USP24: variants seen among roughly 807,000 people sequenced by gnomAD.
The protein encoded by USP24 is ubiquitin specific peptidase 24, also known as ubiquitin carboxyl-terminal hydrolase 24.
Under a neutral mutation model 361.6 loss-of-function variants are expected in USP24, and 97 were observed. That is an observed-to-expected ratio of 0.27 (90% confidence interval 0.23 to 0.32). USP24 has a LOEUF of 0.32. Ranked by LOEUF, USP24 falls within the 10% of genes least tolerant of loss-of-function variation. The pLI is 1.00. For missense variants in USP24, 2,353 were observed against 3,165.6 expected (o/e 0.74, Z 6.16); for synonymous variants, 1,098 against 1,124.6 (o/e 0.98, Z 0.47).
chr1:55,212,599 G>A (rs1343444320), intron 1 of USP24, among the ~76,000 whole-genome samples: 2 of 152,150 alleles, frequency 1.3e-5, no homozygotes, highest in Admixed American at 6.5e-5. Flanking sequence ...TGTACACCAA[G>A]GATGACCAAG....
At chr1:55,144,009 T>C (rs1166139248) in intron 21 of USP24, 118 bp downstream of exon 21, 2 of 756,916 alleles carry the variant, frequency 2.6e-6, no homozygotes, top group Non-Finnish European at 4.1e-6. Flanking sequence ...GTCAAGGAGA[T>C]GCTGTTCTTT....
At chr1:55,143,563 T>C (rs181026110) in intron 21 of USP24, among the ~76,000 whole-genome samples, 37 of 152,216 alleles carry the variant, frequency 2.4e-4, no homozygotes, top group African/African-American at 8.4e-4. Context: ...TGTAAAATCT[T>C]GTAAAAATTC....
intron 37 of USP24, among the ~76,000 whole-genome samples, chr1:55,121,074 T>C (rs1646266954): frequency 6.6e-6 from 1 of 152,236 alleles, no homozygotes; most frequent in South Asian, 2.1e-4. Flanking sequence ...AGAACTATAA[T>C]ATCTAATGAA....
intron 39 of USP24, 129 bp from the exon 40 acceptor site, chr1:55,107,559 T>A: frequency 8.8e-7 from 1 of 1,130,286 alleles, no homozygotes; most frequent in Non-Finnish European, 1.2e-6. Context: ...AAACTATCAT[T>A]AAGGCCAGGC....
intron 38 of USP24, among the ~76,000 whole-genome samples, chr1:55,115,477 C>G (rs1487674944): frequency 3.9e-5 from 4 of 101,458 alleles, no homozygotes. Context: ...GCCTGGGCGA[C>G]AGAGCGAGAC....
In USP24 at chr1:55,107,289, C is replaced by T. The variant is rs963182678; in HGVS notation, c.4712G>A (p.Arg1571His). 3.1e-6 allele frequency: 5 copies of T among 1,613,726 alleles called. No homozygotes were observed. The highest frequency in any genetic ancestry group is 1.7e-5 in the Admixed American group (1 of 59,982). Residue 1571 changes from arginine (R) to histidine (H), a missense_variant, in exon 40 of 68, where the codon CGC becomes CAC. Around this residue, in one of 8 missense-constraint regions of USP24, gnomAD observed 949 missense variants for 1,280.5 expected, o/e 0.74. Coordinates refer to ENST00000294383, the MANE Select transcript of USP24 (RefSeq NM_015306.3). ...GAGTGAAAGAAGGGTCTTGATGAGG[C>T]GTAAGTGCCCTGCCAGTAAGATGTT... ...ADNILLAGHL[R>H]LIKTLLSLCG... is the part of the protein sequence containing the mutation.
chr1:55,071,822 G>C lies in USP24; in HGVS notation c.7792C>G (p.Leu2598Val). The change falls in exon 67 of 68, where the codon CTA becomes GTA. Residue 2598 changes from leucine to valine, a missense_variant. Leu to Val is a conservative substitution (Grantham distance 32). Coordinates refer to ENST00000294383, the MANE Select transcript of USP24 (RefSeq NM_015306.3). ...CATGCTGACCGTTATACCTGCTGTA[G>C]ATGCCTGTCTCCGTTCTCATTGGCA... ...SPANENGDRH[L>V]QQGSESPMMI... 1 of 1,612,322 alleles carries C rather than the reference G, an allele frequency of 6.2e-7. No homozygotes were observed. The highest frequency in any genetic ancestry group is 8.5e-7 in the Non-Finnish European group (1 of 1,179,248).
At chr1:55,158,404 TCA>T (rs1228867599) in intron 10 of USP24, among the ~76,000 whole-genome samples, 3 of 152,230 alleles carry the variant, frequency 2.0e-5, no homozygotes, top group African/African-American at 7.2e-5. Flanking sequence ...GCTCCATGTG[TCA>T]CACACCAAAA....
At position 55,214,921 on chromosome 1, in the gene USP24, C is replaced by G. The variant is rs1304832217; in HGVS notation, c.193G>C (p.Gly65Arg). ...PMDSGGGPSP[G>R]PGGGPRGDGG... The stretch of plus-strand genomic sequence containing the variant: ...TCGCCCCGCGGGCCCCCGCCGGGCC[C>G]GGGGCTGGGGCCACCGCCGCTGTCC... The change falls in exon 1 of 68, where the codon GGG (glycine) becomes CGG (arginine). Residue 65 changes from glycine (G) to arginine (R), a missense_variant. By Grantham distance (125) the Gly-to-Arg change is moderately radical (BLOSUM62 -2). Transcript: ENST00000294383. 2.3e-6 allele frequency: 3 copies of G among 1,317,216 alleles called. No homozygotes were observed. Among genetic ancestry groups the G allele is most frequent in the Middle Eastern group, 2.7e-4 (1 of 3,746 alleles). The allele number at this position is 1,317,216 out of a possible 1,614,324, so 81.6% of individuals were successfully genotyped here.
At chr1:55,121,318 C>G in intron 37 of USP24, 118 bp downstream of exon 37, 1 of 835,508 alleles carries the variant, frequency 1.2e-6, no homozygotes, top group Non-Finnish European at 1.8e-6. Context: ...CCCCTTCGTA[C>G]ACTCCCTGAG....
intron 16 of USP24, among the ~76,000 whole-genome samples, chr1:55,151,574 C>T (rs1266142135): frequency 1.3e-5 from 2 of 151,876 alleles, no homozygotes; most frequent in Non-Finnish European, 2.9e-5. Flanking sequence ...GTACAACTAA[C>T]TGAGGAAAAA....
chr1:55,100,572 A>T (rs933069990), intron 44 of USP24, among the ~76,000 whole-genome samples: 1 of 152,218 alleles, frequency 6.6e-6, no homozygotes, highest in Non-Finnish European at 1.5e-5. Flanking sequence ...GATATGAACA[A>T]ATATTTCAAA....
intron 63 of USP24, 79 bp downstream of exon 63, chr1:55,075,378 A>G: frequency 7.5e-7 from 1 of 1,337,468 alleles, no homozygotes; most frequent in Non-Finnish European, 1.0e-6. Context: ...CGAGAGTAGC[A>G]GGAGGCAGAA....
chr1:55,124,541 C>T lies in USP24; in HGVS notation c.4048G>A (p.Gly1350Arg). 3 of 1,613,890 alleles carry T rather than the reference C, an allele frequency of 1.9e-6. No individual in the cohort carries two copies. In the South Asian group the frequency reaches 3.3e-5, roughly 18 times the overall value. ...CTTTCTTTAATTGGCTGGCTACTCC[C>T]AACAAGATCAAGCCGTCCTGCAGCC... ...AAAAGRLDLV[G>R]SSQPIKESNS... Residue 1350 changes from glycine (G) to arginine (R), a missense_variant, in exon 35 of 68, where the codon GGG (glycine) becomes AGG (arginine). Coordinates refer to ENST00000294383, the MANE Select transcript of USP24 (RefSeq NM_015306.3).
chr1:55,087,402 G>A (rs1448896698), intron 55 of USP24, among the ~76,000 whole-genome samples: 1 of 152,218 alleles, frequency 6.6e-6, no homozygotes, highest in East Asian at 1.9e-4. Flanking sequence ...TTAAAAGCAA[G>A]TCTGCTTGGA....
chr1:55,110,118 T>C (rs1256292588), intron 39 of USP24, 67 bp downstream of exon 39: 1 of 1,275,550 alleles, frequency 7.8e-7, no homozygotes, highest in South Asian at 1.5e-5. Context: ...TATTTAGAAA[T>C]GTCCGTGTGA....
chr1:55,120,893 C>A (rs1286308358), intron 37 of USP24, 137 bp from the exon 38 acceptor site: 4 of 1,157,608 alleles, frequency 3.5e-6, no homozygotes, highest in Admixed American at 3.4e-5. Flanking sequence ...ATGAGTGTTT[C>A]AGATTTTAAT....
Position 55,121,477 on chromosome 1 carries a change from C to G in USP24, c.4306G>C (p.Asp1436His), listed in dbSNP as rs767768455. Residue 1436 changes from aspartate to histidine, a missense_variant, in exon 37 of 68, where the codon GAT becomes CAT. Physicochemically the swap from Asp to His is moderately conservative, Grantham distance 81. Around this residue, in one of 8 missense-constraint regions of USP24, gnomAD observed 949 missense variants for 1,280.5 expected, o/e 0.74. Transcript: ENST00000294383. ...CCGAGCAGAATATCAATGATGAAATCAGCAACACAGGGCAAGTTATAGAAA... is the reference window on the plus strand; with the variant it reads ...CCGAGCAGAATATCAATGATGAAATGAGCAACACAGGGCAAGTTATAGAAA... ...ASFYNLPCVA[D>H]FIIDILLGSP... is the part of the protein sequence containing the mutation. 6.2e-7 allele frequency: 1 copy of G among 1,613,440 alleles called. No individual in the cohort carries two copies. Among genetic ancestry groups the G allele is most frequent in the African/African-American group, 1.3e-5 (1 of 74,894 alleles).
chr1:55,172,361 T>A lies in USP24; in HGVS notation c.702+16A>T. On this transcript the variant is annotated intron_variant, in intron 4 of 67. Transcript: ENST00000294383. ...AAAATCAAAACACAAAGTACTTAAT[T>A]TTAGAGATACTATACCATTGTAAGC... is the stretch of plus-strand genomic sequence containing the variant. 1 of 1,578,140 alleles carries A rather than the reference T, an allele frequency of 6.3e-7. No individual in the cohort carries two copies. Among genetic ancestry groups the A allele is most frequent in the Non-Finnish European group, 8.6e-7 (1 of 1,165,662 alleles).
Sources: gnomAD v4.1 joint callset for allele counts (sites outside exome capture counted in the v4.1 genomes callset) on GRCh38, gnomAD v4.1.1 for gene constraint, gnomAD v4.1.1 regional missense constraint, MANE v1.5 for transcripts, NCBI Gene and HGNC (gene_info 2026-07-23, HGNC 2026-07-21) for gene names.